Variants in SLC24A2 observed in about 807,000 individuals in gnomAD.
SLC24A2 encodes sodium/potassium/calcium exchanger 2.
SLC24A2 carries 36 observed loss-of-function variants against 62.0 expected under a neutral mutation model. That is an observed-to-expected ratio of 0.58 (90% CI 0.44 to 0.77). SLC24A2 has a LOEUF of 0.77. Among genes scored for constraint, SLC24A2 ranks in the 30% least tolerant of loss-of-function variants. The probability of loss-of-function intolerance (pLI) is 0.00; values close to 1 mark genes in which losing one functional copy is unlikely to be tolerated. For synonymous variants in SLC24A2, 358 were observed against 294.0 expected, an observed-to-expected ratio of 1.22 and a Z score of -2.23; for missense variants, 846 against 817.9, an observed-to-expected ratio of 1.03 and a Z score of -0.42.
the SLC24A2 span, among the ~76,000 whole-genome samples, chr9:20,080,912 T>A: frequency 6.6e-6 from 1 of 151,938 alleles, no homozygotes; most frequent in Non-Finnish European, 1.5e-5. Flanking sequence ...GAAATGCAAA[T>A]CAAAACCACA....
At chr9:19,649,234 T>C (rs369792388) in intron 2 of SLC24A2, among the ~76,000 whole-genome samples, 1 of 152,174 alleles carries the variant, frequency 6.6e-6, no homozygotes, top group Non-Finnish European at 1.5e-5. Flanking sequence ...CTTTGTACCC[T>C]TGAGATGACG....
At chr9:20,157,698 G>C in the SLC24A2 span, among the ~76,000 whole-genome samples, 1 of 151,490 alleles carries the variant, frequency 6.6e-6, no homozygotes, top group Admixed American at 6.6e-5. Flanking sequence ...AGAAAATACA[G>C]TATTGGAGAT....
chr9:19,907,787 G>A, the SLC24A2 span, among the ~76,000 whole-genome samples: 11 of 152,118 alleles, frequency 7.2e-5, no homozygotes, highest in Non-Finnish European at 1.6e-4. Flanking sequence ...GGGATTTGAA[G>A]GACCTTTTCA....
chr9:19,636,289 C>CTT (rs1231700861), intron 2 of SLC24A2, among the ~76,000 whole-genome samples: 1 of 41,878 alleles, frequency 2.4e-5, no homozygotes, highest in Non-Finnish European at 4.7e-5. Flanking sequence ...TTCTTCTCTT[C>CTT]TTTTCTTTTC....
At chr9:20,123,849 C>T in the SLC24A2 span, among the ~76,000 whole-genome samples, 1 of 152,162 alleles carries the variant, frequency 6.6e-6, no homozygotes, top group East Asian at 1.9e-4. Flanking sequence ...CATCAACTAT[C>T]TTCCAGTTGA....
chr9:20,289,961 G>A, the SLC24A2 span, among the ~76,000 whole-genome samples: 1 of 152,072 alleles, frequency 6.6e-6, no homozygotes, highest in South Asian at 2.1e-4. Context: ...ACACATTGTA[G>A]CATCACACAG....
At chr9:20,189,944 T>C in the SLC24A2 span, among the ~76,000 whole-genome samples, 2 of 152,008 alleles carry the variant, frequency 1.3e-5, no homozygotes, top group Admixed American at 6.6e-5. Flanking sequence ...GGAGGGGAGA[T>C]GGGCTATTCA....
chr9:20,289,155 A>G, the SLC24A2 span, among the ~76,000 whole-genome samples: 24,293 of 152,130 alleles, frequency 0.16, 2,566 homozygotes, highest in East Asian at 0.28. Context: ...ATTAGTTCAA[A>G]TCACTAAGTT....
the SLC24A2 span, among the ~76,000 whole-genome samples, chr9:20,124,055 C>G: frequency 6.6e-6 from 1 of 152,128 alleles, no homozygotes; most frequent in African/African-American, 2.4e-5. Flanking sequence ...TGTGAATGCA[C>G]TGAAATGAGT....
chr9:19,910,977 T>C, the SLC24A2 span, among the ~76,000 whole-genome samples: 1 of 151,774 alleles, frequency 6.6e-6, no homozygotes, highest in Non-Finnish European at 1.5e-5. Flanking sequence ...GCAGGTTAGT[T>C]ACATATGTAT....
At chr9:19,941,429 A>G in the SLC24A2 span, among the ~76,000 whole-genome samples, 4 of 152,116 alleles carry the variant, frequency 2.6e-5, no homozygotes. Context: ...TCTTTCTCAA[A>G]GCCTACTTTA....
chr9:20,266,832 C>T, the SLC24A2 span, among the ~76,000 whole-genome samples: 16 of 152,118 alleles, frequency 1.1e-4, no homozygotes, highest in African/African-American at 3.9e-4. Context: ...AATTCCAATA[C>T]TTTGGGAGGC....
intron 2 of SLC24A2, among the ~76,000 whole-genome samples, chr9:19,763,210 T>C (rs923471631): frequency 6.6e-6 from 1 of 152,208 alleles, no homozygotes; most frequent in African/African-American, 2.4e-5. Flanking sequence ...CTTAAGGAGT[T>C]TTTGAGCTGA....
chr9:19,999,040 G>T, the SLC24A2 span, among the ~76,000 whole-genome samples: 1 of 152,180 alleles, frequency 6.6e-6, no homozygotes, highest in African/African-American at 2.4e-5. Context: ...TATGAGTTTT[G>T]GTTCCACTGC....
intron 2 of SLC24A2, among the ~76,000 whole-genome samples, chr9:19,657,417 T>C (rs941205322): frequency 2.0e-5 from 3 of 152,180 alleles, no homozygotes; most frequent in African/African-American, 7.2e-5. Flanking sequence ...TTGGGATACA[T>C]ATGCAGAACG....
chr9:19,712,904 T>TA (rs1377464647), intron 2 of SLC24A2, among the ~76,000 whole-genome samples: 1 of 152,084 alleles, frequency 6.6e-6, no homozygotes, highest in Non-Finnish European at 1.5e-5. Flanking sequence ...TTGTGACAAT[T>TA]AAAAACTTCT....
chr9:19,969,227 T>A, the SLC24A2 span, among the ~76,000 whole-genome samples: 56 of 41,778 alleles, frequency 1.3e-3, 1 homozygote, highest in Non-Finnish European at 1.2e-3. Context: ...ACACACACAC[T>A]TCTTCCTCCC....
chr9:19,520,862 G>A, intron 10 of SLC24A2, 32 bp downstream of exon 10: 1 of 1,608,492 alleles, frequency 6.2e-7, no homozygotes, highest in Non-Finnish European at 8.5e-7. Flanking sequence ...GGTGGAGCTG[G>A]TGCACACCTT....
chr9:19,521,177 G>A (rs10964188), intron 9 of SLC24A2, 117 bp from the exon 10 acceptor site: 4 of 916,316 alleles, frequency 4.4e-6, no homozygotes, highest in Non-Finnish European at 7.0e-6. Flanking sequence ...TATGCAAAGT[G>A]CTGAGATGAT....
Sources: gnomAD v4.1 joint callset for allele counts (sites outside exome capture counted in the v4.1 genomes callset) on GRCh38, gnomAD v4.1.1 for gene constraint, MANE v1.5 for transcripts, NCBI Gene and HGNC (gene_info 2026-07-23, HGNC 2026-07-21) for gene names.